The following PEMT variants were observed in gnomAD, a reference collection of about 807,000 sequenced individuals.
PEMT encodes phospholipid methyltransferase.
PEMT carries 23 observed loss-of-function variants against 27.4 expected under a neutral mutation model. The ratio of observed to expected loss-of-function variants is 0.84; its 90% CI spans 0.60 to 1.19. The LOEUF (loss-of-function observed/expected upper bound fraction) is 1.19. Ranked by LOEUF, PEMT falls within the 50% of genes most tolerant of loss-of-function variation. The pLI, the probability that PEMT is intolerant of heterozygous loss-of-function variation, is 0.00. For synonymous variants in PEMT, 137 were observed against 139.1 expected (o/e 0.98, Z 0.11); for missense variants, 307 against 310.1 (o/e 0.99, Z 0.07).
intron 2 of PEMT, among the ~76,000 whole-genome samples, chr17:17,541,829 C>T (rs1908906335): frequency 6.6e-6 from 1 of 152,186 alleles, no homozygotes; most frequent in South Asian, 2.1e-4. Flanking sequence ...GCCCCTTGCC[C>T]AGAGAGAAAC....
chr17:17,577,054 C>A (rs1384200801), intron 1 of PEMT, 27 bp from the exon 2 acceptor site: 1 of 1,554,372 alleles, frequency 6.4e-7, no homozygotes, highest in Non-Finnish European at 8.9e-7. Context: ...AGCATCAGCA[C>A]CACCCAGACA....
At chr17:17,552,320 A>C (rs1033345610) in intron 2 of PEMT, among the ~76,000 whole-genome samples, 1 of 152,220 alleles carries the variant, frequency 6.6e-6, no homozygotes, top group Non-Finnish European at 1.5e-5. Flanking sequence ...TCAAAAAAAA[A>C]AAAGTTTCAC....
chr17:17,543,747 G>C (rs1308631233), intron 2 of PEMT, among the ~76,000 whole-genome samples: 1 of 152,178 alleles, frequency 6.6e-6, no homozygotes, highest in African/African-American at 2.4e-5. Context: ...ATTTTCAGCA[G>C]GGACAGGGTT....
rs114499704 is a variant in PEMT at position 17,584,735 on chromosome 17, C to T, written c.96+6796G>A. Among the ~76,000 whole-genome samples, 318 of 152,358 alleles carry T rather than the reference C, an allele frequency of 2.1e-3. 1 individual carries two copies. The highest frequency in any genetic ancestry group is 7.5e-3 in the African/African-American group (310 of 41,588). On this transcript the variant is annotated intron_variant, in intron 1 of 6. Coordinates refer to ENST00000255389, the MANE Select transcript of PEMT (RefSeq NM_148172.3). ...GTAACAATAAGCCAGCCAACCTTCA[C>T]TCGGAAGTGAACCAGCTGCCAAGCT...
intron 2 of PEMT, among the ~76,000 whole-genome samples, chr17:17,574,549 G>T (rs1911450954): frequency 6.6e-6 from 1 of 152,112 alleles, no homozygotes; most frequent in African/African-American, 2.4e-5. Context: ...TCGAACTCCT[G>T]ACCTCAGGTG....
At chr17:17,592,105 C>T (rs1008632908), upstream of PEMT, 5 of 985,314 alleles carry the variant, frequency 5.1e-6, no homozygotes, top group Non-Finnish European at 6.0e-6. Context: ...CCCACACGCC[C>T]AGGGCCCCAC....
chr17:17,537,447 G>A (rs1567696979), intron 2 of PEMT, among the ~76,000 whole-genome samples: 2 of 152,150 alleles, frequency 1.3e-5, no homozygotes, highest in African/African-American at 4.8e-5. Flanking sequence ...CCAACACACC[G>A]GGCTCCCCCA....
At chr17:17,515,300 G>C (rs1275013915) in intron 3 of PEMT, among the ~76,000 whole-genome samples, 2 of 152,208 alleles carry the variant, frequency 1.3e-5, no homozygotes, top group South Asian at 2.1e-4. Context: ...CAGCTTCCCT[G>C]GGGGCATGGC....
At chr17:17,538,985 A>G (rs1908693042) in intron 2 of PEMT, among the ~76,000 whole-genome samples, 1 of 152,254 alleles carries the variant, frequency 6.6e-6, no homozygotes, top group Non-Finnish European at 1.5e-5. Flanking sequence ...TGCTAGTAGT[A>G]GGACCCACTG....
intron 6 of PEMT, 125 bp downstream of exon 6, chr17:17,506,102 C>T: frequency 1.0e-6 from 1 of 1,004,446 alleles, no homozygotes; most frequent in South Asian, 1.7e-5. Context: ...GACCTGGGAG[C>T]CCTGGAGTGG....
chr17:17,591,954 G>T (rs552673794), upstream of PEMT: 51 of 985,398 alleles, frequency 5.2e-5, 1 homozygote, highest in South Asian at 2.1e-3. Flanking sequence ...CCGCACCCGA[G>T]CCTGTAACTG....
At chr17:17,525,920 G>C (rs1272350795) in intron 2 of PEMT, among the ~76,000 whole-genome samples, 1 of 152,178 alleles carries the variant, frequency 6.6e-6, no homozygotes, top group African/African-American at 2.4e-5. Context: ...CTTGAACCCG[G>C]GAGGCAGAGG....
At chr17:17,562,446 G>A (rs559817004) in intron 2 of PEMT, among the ~76,000 whole-genome samples, 5 of 152,174 alleles carry the variant, frequency 3.3e-5, no homozygotes, top group African/African-American at 7.2e-5. Context: ...GGGCTGTCCC[G>A]CCCCTCAAGA....
chr17:17,545,849 G>A (rs1391233652), intron 2 of PEMT, among the ~76,000 whole-genome samples: 1 of 152,136 alleles, frequency 6.6e-6, no homozygotes, highest in African/African-American at 2.4e-5. Context: ...ATGTTTGGAG[G>A]TTCGTCCTCT....
At chr17:17,520,708 G>A (rs1907200220) in intron 3 of PEMT, among the ~76,000 whole-genome samples, 1 of 152,244 alleles carries the variant, frequency 6.6e-6, no homozygotes, top group African/African-American at 2.4e-5. Flanking sequence ...AGGTGCCAGG[G>A]GACCCACCCC....
At chr17:17,572,865 C>T (rs948055658) in intron 2 of PEMT, among the ~76,000 whole-genome samples, 3 of 152,240 alleles carry the variant, frequency 2.0e-5, no homozygotes, top group African/African-American at 7.2e-5. Context: ...CCCGCCACCA[C>T]CAGCCAGCCC....
At chr17:17,537,597 C>T (rs755012027) in intron 2 of PEMT, among the ~76,000 whole-genome samples, 4 of 152,208 alleles carry the variant, frequency 2.6e-5, no homozygotes, top group Non-Finnish European at 5.9e-5. Flanking sequence ...ATGCTCTGCA[C>T]GTGGCCACCT....
intron 2 of PEMT, among the ~76,000 whole-genome samples, chr17:17,576,418 C>A (rs990698549): frequency 6.6e-6 from 1 of 152,168 alleles, no homozygotes; most frequent in African/African-American, 2.4e-5. Context: ...CCACCCAGCT[C>A]GCCTAGGTCC....
chr17:17,555,555 T>G (rs1909991116), intron 2 of PEMT, among the ~76,000 whole-genome samples: 1 of 152,202 alleles, frequency 6.6e-6, no homozygotes, highest in Non-Finnish European at 1.5e-5. Flanking sequence ...GGGGCAGCAT[T>G]CACACCTGAG....
Sources: gnomAD v4.1 joint callset for allele counts (sites outside exome capture counted in the v4.1 genomes callset) on GRCh38, gnomAD v4.1.1 for gene constraint, MANE v1.5 for transcripts, NCBI Gene and HGNC (gene_info 2026-07-23, HGNC 2026-07-21) for gene names.